PLD5: variants seen among roughly 807,000 people sequenced by gnomAD.
PLD5 encodes the protein inactive phospholipase D5.
In PLD5, 36 loss-of-function variants were observed where a neutral mutation model predicts 61.1. The observed-to-expected ratio is 0.59, with a 90% confidence interval of 0.45 to 0.78. The LOEUF (loss-of-function observed/expected upper bound fraction) is 0.78. Among genes scored for constraint, PLD5 ranks in the 30% least tolerant of loss-of-function variants. The pLI is 0.00. For synonymous variants in PLD5, 243 were observed against 242.8 expected (o/e 1.00, Z -0.01); for missense variants, 515 against 644.4 (o/e 0.80, Z 2.17).
At chr1:242,124,729 A>G (rs1411533987) in intron 5 of PLD5, 64 bp from the exon 6 acceptor site, 2 of 1,360,994 alleles carry the variant, frequency 1.5e-6, no homozygotes, top group African/African-American at 2.9e-5. Context: ...TTCAGAGAAA[A>G]AAGGAATGCA....
At chr1:242,098,956 T>A (rs1574290256) in intron 9 of PLD5, among the ~76,000 whole-genome samples, 1 of 152,094 alleles carries the variant, frequency 6.6e-6, no homozygotes, top group East Asian at 1.9e-4. Flanking sequence ...GTGTGAGGTG[T>A]CAGTCTGCCC....
intron 9 of PLD5, among the ~76,000 whole-genome samples, chr1:242,093,889 T>G (rs530620343): frequency 6.6e-6 from 1 of 152,086 alleles, no homozygotes; most frequent in East Asian, 1.9e-4. Context: ...GCTTTTTTTT[T>G]CCTTCAAATT....
intron 1 of PLD5, among the ~76,000 whole-genome samples, chr1:242,484,675 T>C (rs1468127305): frequency 1.3e-5 from 2 of 152,072 alleles, no homozygotes; most frequent in South Asian, 2.1e-4. Flanking sequence ...TTCCAATCAA[T>C]AGAAAAAGAG....
chr1:242,490,972 T>C (rs1668131394), intron 1 of PLD5, among the ~76,000 whole-genome samples: 1 of 152,210 alleles, frequency 6.6e-6, no homozygotes, highest in Non-Finnish European at 1.5e-5. Context: ...ACACCAGGCT[T>C]TGATGTTTCC....
intron 3 of PLD5, among the ~76,000 whole-genome samples, chr1:242,287,411 T>C (rs1048760310): frequency 6.6e-6 from 1 of 152,244 alleles, no homozygotes; most frequent in African/African-American, 2.4e-5. Flanking sequence ...TTAGTAGAGA[T>C]GGAAAAGTGT....
At chr1:242,314,644 T>C (rs1387461250) in intron 2 of PLD5, among the ~76,000 whole-genome samples, 2 of 152,210 alleles carry the variant, frequency 1.3e-5, no homozygotes, top group Non-Finnish European at 2.9e-5. Context: ...ATTTCCCATT[T>C]CAAATTCTAA....
At chr1:242,327,801 T>C (rs1036406621) in intron 2 of PLD5, among the ~76,000 whole-genome samples, 1 of 152,180 alleles carries the variant, frequency 6.6e-6, no homozygotes, top group Non-Finnish European at 1.5e-5. Flanking sequence ...TATTAAAAAC[T>C]CTATCAAGAA....
rs1410938095 is a variant in PLD5, at chr1:242,267,615, T to C, written c.496-2167A>G. On this transcript the variant is annotated intron_variant, in intron 3 of 9. Coordinates refer to ENST00000536534, the MANE Select transcript of PLD5 (RefSeq NM_001372062.1). ...TTAAAAAAGAGGCAGAGGCCGAGCTTATCCTTGTAATCCCAGTGCTTTGGG... is the reference window on the plus strand; with the variant it reads ...TTAAAAAAGAGGCAGAGGCCGAGCTCATCCTTGTAATCCCAGTGCTTTGGG... 2.0e-5 allele frequency among the ~76,000 whole-genome samples: 3 copies of C among 151,960 alleles called. No homozygotes were observed. The East Asian group carries it at 5.8e-4, about 29-fold the overall frequency.
intron 6 of PLD5, among the ~76,000 whole-genome samples, chr1:242,114,650 G>A (rs894100467): frequency 6.6e-6 from 1 of 152,134 alleles, no homozygotes; most frequent in Admixed American, 6.5e-5. Context: ...CAGACGAGTG[G>A]GGGCATTAGA....
intron 5 of PLD5, among the ~76,000 whole-genome samples, chr1:242,145,519 A>G (rs542361218): frequency 1.3e-4 from 20 of 152,172 alleles, no homozygotes. Context: ...TTAAGAACCC[A>G]CAACAAGAGA....
intron 2 of PLD5, among the ~76,000 whole-genome samples, chr1:242,338,734 G>C (rs1408003245): frequency 1.3e-5 from 2 of 152,042 alleles, no homozygotes; most frequent in African/African-American, 4.8e-5. Context: ...ATACTTTCTG[G>C]ATATGGGGCT....
chr1:242,186,566 A>T (rs1667910628), intron 5 of PLD5, among the ~76,000 whole-genome samples: 1 of 152,214 alleles, frequency 6.6e-6, no homozygotes, highest in South Asian at 2.1e-4. Flanking sequence ...TTGAGAAATG[A>T]GAAACTATGC....
intron 4 of PLD5, among the ~76,000 whole-genome samples, chr1:242,234,421 G>A (rs1574576114): frequency 6.6e-6 from 1 of 152,126 alleles, no homozygotes; most frequent in Admixed American, 6.5e-5. Context: ...CAGTGGCATT[G>A]AACTTTTTTT....
chr1:242,276,431 C>CAA, intron 3 of PLD5, among the ~76,000 whole-genome samples: 1 of 18,810 alleles, frequency 5.3e-5, no homozygotes, highest in Non-Finnish European at 1.7e-4. Flanking sequence ...TATATATACA[C>CAA]AAATTATATA....
intron 9 of PLD5, among the ~76,000 whole-genome samples, chr1:242,096,178 T>G (rs1488933778): frequency 6.6e-6 from 1 of 152,130 alleles, no homozygotes; most frequent in African/African-American, 2.4e-5. Flanking sequence ...CAGGATGGTC[T>G]CAATCTCTTG....
intron 1 of PLD5, among the ~76,000 whole-genome samples, chr1:242,467,519 T>C (rs1667313196): frequency 6.6e-6 from 1 of 152,224 alleles, no homozygotes; most frequent in East Asian, 1.9e-4. Context: ...AGAATTCCTG[T>C]AGCAATCTCG....
chr1:242,508,139 G>A (rs543387225), intron 1 of PLD5, among the ~76,000 whole-genome samples: 12 of 151,732 alleles, frequency 7.9e-5, no homozygotes, highest in African/African-American at 1.5e-4. Flanking sequence ...CAAGGTGGGC[G>A]GATCACCTGA....
intron 1 of PLD5, among the ~76,000 whole-genome samples, chr1:242,375,266 T>C (rs1212405785): frequency 1.3e-5 from 2 of 152,192 alleles, no homozygotes; most frequent in Admixed American, 1.3e-4. Context: ...CACTGTGCAG[T>C]CAGTCAGCCG....
chr1:242,320,345 C>G (rs1489457205), intron 2 of PLD5, among the ~76,000 whole-genome samples: 2 of 152,122 alleles, frequency 1.3e-5, no homozygotes, highest in Non-Finnish European at 2.9e-5. Context: ...ATGCATAAGC[C>G]TCCTGATGAA....
Sources: allele counts gnomAD v4.1 joint callset (sites outside exome capture counted in the v4.1 genomes callset), GRCh38; gene constraint gnomAD v4.1.1; transcripts MANE v1.5; gene names NCBI Gene and HGNC (gene_info 2026-07-23, HGNC 2026-07-21).